The following STX6 variants were observed in gnomAD, a reference collection of about 807,000 sequenced individuals.
The protein encoded by STX6 is syntaxin 6.
Under a neutral mutation model 38.0 loss-of-function variants are expected in STX6, and 23 were observed. The observed-to-expected ratio is 0.60, with a 90% CI of 0.43 to 0.86. STX6 has a LOEUF of 0.86. STX6 is among the 40% of genes least tolerant of loss of function. The probability of loss-of-function intolerance (pLI) is 0.00; values close to 1 mark genes in which losing one functional copy is unlikely to be tolerated. For missense variants in STX6, 274 were observed against 312.9 expected, an observed-to-expected ratio of 0.88 and a Z score of 0.94; for synonymous variants, 123 against 107.5, an observed-to-expected ratio of 1.14 and a Z score of -0.89.
chr1:181,002,880 C>T (rs1656123226), intron 2 of STX6, among the ~76,000 whole-genome samples, 180 bp from the exon 3 acceptor site: 1 of 152,180 alleles, frequency 6.6e-6, no homozygotes, highest in Non-Finnish European at 1.5e-5. Context: ...AGGGAGGATC[C>T]CTTTGCTCCA....
At chr1:180,981,686 A>G (rs1478144399) in intron 7 of STX6, among the ~76,000 whole-genome samples, 2 of 152,156 alleles carry the variant, frequency 1.3e-5, no homozygotes, top group African/African-American at 4.8e-5. Flanking sequence ...CAACCCGAGG[A>G]TGTTCTTTTA....
intron 5 of STX6, 138 bp from the exon 6 acceptor site, chr1:180,988,483 C>G: frequency 1.6e-6 from 1 of 635,786 alleles, no homozygotes; most frequent in Admixed American, 2.4e-5. Flanking sequence ...ATCAAAGGAC[C>G]AGACCGTTGC....
intron 1 of STX6, among the ~76,000 whole-genome samples, chr1:181,014,246 T>C (rs1004420794): frequency 9.2e-5 from 14 of 151,794 alleles, no homozygotes; most frequent in African/African-American, 3.4e-4. Context: ...ATACAAAAAT[T>C]AGCCGGGTGT....
intron 4 of STX6, 66 bp from the exon 5 acceptor site, chr1:180,990,175 G>A: frequency 8.9e-6 from 14 of 1,578,672 alleles, no homozygotes; most frequent in Non-Finnish European, 1.1e-5. Context: ...AACAAGTGAT[G>A]CATCAAGAGT....
chr1:181,001,009 C>A (rs746600676), intron 3 of STX6, among the ~76,000 whole-genome samples: 22 of 152,176 alleles, frequency 1.4e-4, no homozygotes, highest in Non-Finnish European at 2.2e-4. Flanking sequence ...ATGTCCAATC[C>A]AAACACTCAC....
intron 2 of STX6, among the ~76,000 whole-genome samples, chr1:181,003,915 A>G (rs1281193528): frequency 6.6e-6 from 1 of 152,220 alleles, no homozygotes; most frequent in Non-Finnish European, 1.5e-5. Flanking sequence ...GGAACAAGAC[A>G]TCTCTTCAAT....
intron 4 of STX6, among the ~76,000 whole-genome samples, chr1:180,993,116 G>A (rs1177542298): frequency 6.6e-6 from 1 of 152,132 alleles, no homozygotes; most frequent in Non-Finnish European, 1.5e-5. Context: ...CTATAGTAAG[G>A]GTAGGCAAAA....
At position 181,020,646 on chromosome 1, in the gene STX6, G is replaced by A. The variant is rs1366740931; in HGVS notation, c.35+1993C>T. Among the ~76,000 whole-genome samples the A allele has an allele frequency of 3.9e-5, 6 of 152,164 alleles. No individual in the cohort carries two copies. The South Asian group carries it at 1.0e-3, about 26-fold the overall frequency. ...TGCCCATCTTCAAAACCTAATTCAA[G>A]ATACACTACTGCCTCCAAAAGCTCT... On this transcript the variant is annotated intron_variant, in intron 1 of 7. Coordinates refer to ENST00000258301, the MANE Select transcript of STX6 (RefSeq NM_005819.6).
intron 1 of STX6, among the ~76,000 whole-genome samples, chr1:181,006,782 T>A (rs987505890): frequency 6.6e-6 from 1 of 152,152 alleles, no homozygotes; most frequent in Non-Finnish European, 1.5e-5. Flanking sequence ...AAAAGCACCT[T>A]ACAATATTTA....
chr1:180,983,005 G>C (rs1655459556), intron 7 of STX6, among the ~76,000 whole-genome samples: 1 of 152,136 alleles, frequency 6.6e-6, no homozygotes, highest in Non-Finnish European at 1.5e-5. Context: ...TTGCGCCTTG[G>C]GGCCATTACA....
chr1:180,983,651 A>C (rs1655476425), intron 7 of STX6, among the ~76,000 whole-genome samples: 1 of 152,232 alleles, frequency 6.6e-6, no homozygotes, highest in African/African-American at 2.4e-5. Context: ...TCTATCAATG[A>C]AAGAATGTTC....
At chr1:181,002,742 C>G (rs1167898756) in intron 2 of STX6, 42 bp from the exon 3 acceptor site, 1 of 1,335,276 alleles carries the variant, frequency 7.5e-7, no homozygotes, top group Non-Finnish European at 1.1e-6. Flanking sequence ...ATCATCAAAG[C>G]CTGACAACAT....
intron 7 of STX6, among the ~76,000 whole-genome samples, chr1:180,978,789 C>CCTTA (rs1375192895): frequency 2.0e-5 from 3 of 152,184 alleles, no homozygotes; most frequent in Non-Finnish European, 4.4e-5. Flanking sequence ...TCACCAGAGG[C>CCTTA]TAAGACCTAA....
rs760093880 is a variant in STX6, at chr1:181,022,702, C to T, written c.-29G>A. On this transcript the variant is annotated 5_prime_UTR_variant, in exon 1 of 8. Coordinates refer to ENST00000258301, the MANE Select transcript of STX6 (RefSeq NM_005819.6). ...GTCCCGGCCCCGGCCGCCTTCACCT[C>T]CTCCGCGCACAGGGCGCCCGTGCCT... 21 of 1,596,772 alleles carry T rather than the reference C, an allele frequency of 1.3e-5. No individual in the cohort carries two copies. The Admixed American group carries it at 3.4e-4, about 26-fold the overall frequency.
intron 7 of STX6, among the ~76,000 whole-genome samples, chr1:180,982,890 C>T (rs1240197718): frequency 6.6e-6 from 1 of 152,148 alleles, no homozygotes; most frequent in Non-Finnish European, 1.5e-5. Flanking sequence ...TGCACAGTTT[C>T]AGGCAATGAA....
At chr1:181,003,782 A>C (rs17374409) in intron 2 of STX6, among the ~76,000 whole-genome samples, 14,708 of 147,800 alleles carry the variant, frequency 0.1, 844 homozygotes, top group African/African-American at 0.15. Flanking sequence ...TTCCAGTTGG[A>C]AAAAAAGGCT....
chr1:180,978,823 C>A (rs1438367454), intron 7 of STX6, among the ~76,000 whole-genome samples: 1 of 152,204 alleles, frequency 6.6e-6, no homozygotes, highest in African/African-American at 2.4e-5. Context: ...AAATGCCACC[C>A]CCCGGCCTCA....
chr1:180,998,833 C>T (rs1176765599), intron 3 of STX6, among the ~76,000 whole-genome samples: 1 of 152,208 alleles, frequency 6.6e-6, no homozygotes, highest in Non-Finnish European at 1.5e-5. Flanking sequence ...AACATAATTA[C>T]TCATCTTCTT....
rs570590740 is a variant in STX6 at position 180,974,074 on chromosome 1, A to G, written c.*2496T>C. ...CTGGGTTCCCTCTAAAGCCCTGAAC[A>G]TTAGGACCACTGAGGAGGAAATATT... On this transcript the variant is annotated 3_prime_UTR_variant, in exon 8 of 8. Coordinates refer to ENST00000258301, the MANE Select transcript of STX6 (RefSeq NM_005819.6). The G allele has an allele frequency of 3.9e-5, 6 of 152,256 alleles. No individual in the cohort carries two copies. The highest frequency in any genetic ancestry group is 5.9e-5 in the Non-Finnish European group (4 of 68,050). The allele number at this position is 152,256 out of a possible 1,614,324, so 9.4% of individuals were successfully genotyped here.
Sources: allele counts gnomAD v4.1 joint callset (sites outside exome capture counted in the v4.1 genomes callset), GRCh38; gene constraint gnomAD v4.1.1; transcripts MANE v1.5; gene names NCBI Gene and HGNC (gene_info 2026-07-23, HGNC 2026-07-21).